The following GRIK4 variants were observed in gnomAD, a reference collection of about 807,000 sequenced individuals.
GRIK4 encodes glutamate receptor ionotropic, kainate 4.
In GRIK4, 40 loss-of-function variants were observed where a neutral mutation model predicts 104.9. The observed-to-expected ratio is 0.38, with a 90% CI of 0.30 to 0.50. The LOEUF (loss-of-function observed/expected upper bound fraction) is 0.50. Ranked by LOEUF, GRIK4 falls within the 20% of genes least tolerant of loss-of-function variation. The probability of loss-of-function intolerance (pLI) is 0.93; values close to 1 mark genes in which losing one functional copy is unlikely to be tolerated. For synonymous variants in GRIK4, 485 were observed against 524.9 expected (o/e 0.92, Z 1.04); for missense variants, 1,047 against 1,308.1 (o/e 0.80, Z 3.08).
chr11:120,634,071 C>T (rs990778644), intron 1 of GRIK4, among the ~76,000 whole-genome samples: 45 of 152,330 alleles, frequency 3.0e-4, no homozygotes, highest in South Asian at 2.1e-3. Context: ...CTGCACCTTT[C>T]TGAACCTCAT....
intron 1 of GRIK4, among the ~76,000 whole-genome samples, chr11:120,571,228 T>G (rs756376488): frequency 1.3e-5 from 2 of 152,228 alleles, no homozygotes; most frequent in Non-Finnish European, 2.9e-5. Flanking sequence ...CTTTCTTGGT[T>G]TACTCCATTG....
At chr11:120,740,377 C>A (rs751132959) in intron 3 of GRIK4, among the ~76,000 whole-genome samples, 2 of 152,182 alleles carry the variant, frequency 1.3e-5, no homozygotes, top group African/African-American at 2.4e-5. Context: ...CCCTCCTTCC[C>A]TCACCCCCGC....
chr11:120,619,980 G>A, intron 1 of GRIK4: 1 of 484,786 alleles, frequency 2.1e-6, no homozygotes. Context: ...TGCAGTTTCA[G>A]TGTAATTGGG....
At chr11:120,522,901 C>T (rs893627855) in intron 1 of GRIK4, among the ~76,000 whole-genome samples, 1 of 152,176 alleles carries the variant, frequency 6.6e-6, no homozygotes, top group South Asian at 2.1e-4. Flanking sequence ...TTCCAGAGTG[C>T]CTCCTATGTG....
At chr11:120,620,319 T>A in intron 1 of GRIK4, 1 of 647,932 alleles carries the variant, frequency 1.5e-6, no homozygotes, top group Non-Finnish European at 2.9e-6. Context: ...TTTAGTAGTT[T>A]CCCAGAGTTC....
At chr11:120,728,187 T>C (rs73012319) in intron 3 of GRIK4, among the ~76,000 whole-genome samples, 5,359 of 152,166 alleles carry the variant, frequency 0.035, 126 homozygotes, top group East Asian at 0.093. Flanking sequence ...AAAAGTGACA[T>C]ATAGGAGAAA....
intron 11 of GRIK4, among the ~76,000 whole-genome samples, chr11:120,875,934 C>T (rs1262856982): frequency 1.3e-5 from 2 of 152,122 alleles, no homozygotes; most frequent in South Asian, 2.1e-4. Context: ...ATTCAACTCC[C>T]TATTATTTGG....
intron 3 of GRIK4, among the ~76,000 whole-genome samples, chr11:120,664,977 C>CG (rs779869427): frequency 0.094 from 14,339 of 152,126 alleles, 740 homozygotes; most frequent in African/African-American, 0.13. Context: ...ATTTTATACT[C>CG]TGTCTTACGA....
At chr11:120,866,635 G>A (rs569960455) in intron 9 of GRIK4, among the ~76,000 whole-genome samples, 31 of 152,256 alleles carry the variant, frequency 2.0e-4, no homozygotes, top group East Asian at 1.7e-3. Context: ...TGCTGCCGGC[G>A]GAGAACAAGA....
rs1365106302 is a variant in GRIK4, at chr11:120,939,749, G to C, written c.1477-598G>C. Among the ~76,000 whole-genome samples, 2 of 152,176 alleles carry C rather than the reference G, an allele frequency of 1.3e-5. No individual in the cohort carries two copies. Among genetic ancestry groups the C allele is most frequent in the Non-Finnish European group, 2.9e-5 (2 of 68,028 alleles). On this transcript the variant is annotated intron_variant, in intron 13 of 20. Transcript: ENST00000527524. This position sits in a 1 kb window ranked among gnomAD's most constrained non-coding sequence, Gnocchi z 5.6. ...ATAATCCCATCACTTTGGGAGGCCA[G>C]GGCGGGCAGATCACGGGGTCAGGAG...
intron 1 of GRIK4, among the ~76,000 whole-genome samples, chr11:120,556,863 G>A (rs775286442): frequency 2.6e-5 from 4 of 152,076 alleles, no homozygotes; most frequent in African/African-American, 7.2e-5. Context: ...TCAACTCTGC[G>A]CGGGGCCTCT....
At chr11:120,737,610 G>A (rs192666022) in intron 3 of GRIK4, among the ~76,000 whole-genome samples, 9 of 152,086 alleles carry the variant, frequency 5.9e-5, no homozygotes, top group East Asian at 1.9e-4. Context: ...GGAGGAATCC[G>A]TAAATTAAAA....
chr11:120,811,185 G>C (rs1459232556), intron 4 of GRIK4, among the ~76,000 whole-genome samples: 1 of 152,220 alleles, frequency 6.6e-6, no homozygotes, highest in Admixed American at 6.5e-5. Context: ...AAGGAGACCA[G>C]AGTCACTCGA....
intron 3 of GRIK4, among the ~76,000 whole-genome samples, chr11:120,743,992 G>A (rs1951386973): frequency 6.6e-6 from 1 of 152,222 alleles, no homozygotes; most frequent in Non-Finnish European, 1.5e-5. Context: ...AGGGAAGCCA[G>A]AGGGCCGTGA....
At chr11:120,757,137 G>A (rs1951667512) in intron 3 of GRIK4, among the ~76,000 whole-genome samples, 1 of 152,166 alleles carries the variant, frequency 6.6e-6, no homozygotes, top group Non-Finnish European at 1.5e-5. Flanking sequence ...GGTTTTGGAG[G>A]CACACACTTG....
At chr11:120,536,511 G>T (rs984736389) in intron 1 of GRIK4, among the ~76,000 whole-genome samples, 2 of 152,192 alleles carry the variant, frequency 1.3e-5, no homozygotes, top group Non-Finnish European at 2.9e-5. Context: ...TTACAGATTG[G>T]GGGGGCCTGG....
chr11:120,571,376 C>G (rs1458552606), intron 1 of GRIK4, among the ~76,000 whole-genome samples: 1 of 152,190 alleles, frequency 6.6e-6, no homozygotes, highest in East Asian at 1.9e-4. Context: ...CTGTGCACAG[C>G]AGTCTCTTTT....
intron 3 of GRIK4, among the ~76,000 whole-genome samples, chr11:120,790,452 T>C (rs1441611213): frequency 2.0e-5 from 3 of 151,978 alleles, no homozygotes; most frequent in Non-Finnish European, 4.4e-5. Flanking sequence ...GAATGAGGGT[T>C]ATTAGGTAGG....
chr11:120,912,750 G>A (rs1007777327), intron 13 of GRIK4, among the ~76,000 whole-genome samples: 2 of 152,204 alleles, frequency 1.3e-5, no homozygotes, highest in South Asian at 2.1e-4. Context: ...AGATGAAATC[G>A]CTTATGTAAG....
Sources: allele counts gnomAD v4.1 joint callset (sites outside exome capture counted in the v4.1 genomes callset), GRCh38; gene constraint gnomAD v4.1.1; non-coding constraint Gnocchi (gnomAD v3.1); transcripts MANE v1.5; gene names NCBI Gene and HGNC (gene_info 2026-07-23, HGNC 2026-07-21).